TINAG: variants seen among roughly 807,000 people sequenced by gnomAD.
TINAG encodes tubulointerstitial nephritis antigen.
Under a neutral mutation model 72.7 loss-of-function variants are expected in TINAG, and 83 were observed. The observed-to-expected ratio is 1.14, with a 90% confidence interval of 0.96 to 1.37. The LOEUF is 1.37. TINAG is among the 40% of genes most tolerant of loss of function. The pLI is 0.00. For missense variants in TINAG, 685 were observed against 576.6 expected (o/e 1.19, Z -1.93); for synonymous variants, 234 against 189.9 (o/e 1.23, Z -1.91).
At chr6:54,343,091 A>T in intron 4 of TINAG, 135 bp from the exon 5 acceptor site, 1 of 711,732 alleles carries the variant, frequency 1.4e-6, no homozygotes, top group Non-Finnish European at 2.0e-6. Flanking sequence ...AATCCCACAT[A>T]GCTGTAGTTC....
At chr6:54,377,758 A>G (rs1763823925) in intron 9 of TINAG, among the ~76,000 whole-genome samples, 1 of 152,146 alleles carries the variant, frequency 6.6e-6, no homozygotes, top group African/African-American at 2.4e-5. Context: ...ACCTGTTGGT[A>G]TAATAGCAAG....
intron 4 of TINAG, among the ~76,000 whole-genome samples, chr6:54,328,241 G>A (rs1784654858): frequency 6.6e-6 from 1 of 152,060 alleles, no homozygotes; most frequent in South Asian, 2.1e-4. Flanking sequence ...TCCGGTGGGT[G>A]CTGCTCTGGG....
intron 10 of TINAG, 149 bp downstream of exon 10, chr6:54,380,720 AT>A: frequency 2.1e-6 from 1 of 486,484 alleles, no homozygotes; most frequent in Non-Finnish European, 3.6e-6. Flanking sequence ...CACAAAACTT[AT>A]TATAAACATT....
intron 5 of TINAG, among the ~76,000 whole-genome samples, chr6:54,344,924 T>C (rs1463031534): frequency 1.3e-5 from 2 of 152,106 alleles, no homozygotes; most frequent in Non-Finnish European, 2.9e-5. Context: ...CGTCGAGAAG[T>C]ATTAGTTACA....
intron 1 of TINAG, among the ~76,000 whole-genome samples, chr6:54,314,330 C>T (rs922030153): frequency 2.6e-5 from 4 of 152,116 alleles, no homozygotes; most frequent in African/African-American, 9.7e-5. Context: ...TTTGGCTCTT[C>T]ATGATCCAAA....
chr6:54,349,049 T>G (rs929703513), intron 6 of TINAG, among the ~76,000 whole-genome samples: 9 of 152,062 alleles, frequency 5.9e-5, no homozygotes, highest in African/African-American at 2.2e-4. Context: ...TAATTTCTAC[T>G]TTGCTATGTT....
chr6:54,373,896 G>A (rs1218713917), intron 9 of TINAG, among the ~76,000 whole-genome samples: 3 of 151,994 alleles, frequency 2.0e-5, no homozygotes, highest in Non-Finnish European at 1.5e-5. Flanking sequence ...TATTACCCTA[G>A]TCAATTGTCA....
chr6:54,308,685 T>G lies in TINAG; in HGVS notation c.135T>G (p.Thr45=), dbSNP rs1036894818. The change falls in exon 1 of 11, where the codon ACT becomes ACG. Residue 45 remains threonine, a synonymous_variant. Transcript: ENST00000259782. ...FTRNHTVLQG[T]RFKRAIFQGQ... The stretch of plus-strand genomic sequence containing the variant: ...GGAATCACACCGTTTTGCAAGGTAC[T>G]CGATTCAAAAGAGCCATTTTCCAAG... The G allele has an allele frequency of 1.2e-6, 2 of 1,613,724 alleles. No individual in the cohort carries two copies. The highest frequency in any genetic ancestry group is 1.7e-5 in the Admixed American group (1 of 59,912).
chr6:54,377,945 C>T (rs1230940625), intron 9 of TINAG, among the ~76,000 whole-genome samples: 4 of 151,938 alleles, frequency 2.6e-5, no homozygotes, highest in Admixed American at 1.3e-4. Flanking sequence ...ATAATATCAT[C>T]GGGGAAAGAA....
intron 2 of TINAG, 71 bp from the exon 3 acceptor site, chr6:54,321,226 T>G (rs2297986): frequency 8.9e-7 from 1 of 1,126,636 alleles, no homozygotes. Context: ...TAACAATGTA[T>G]AACTCTTTTT....
At chr6:54,321,423 G>A (rs375206679) in intron 3 of TINAG, 37 bp downstream of exon 3, 675 of 1,406,142 alleles carry the variant, frequency 4.8e-4, no homozygotes, top group Non-Finnish European at 6.3e-4. Flanking sequence ...TCTTGACACT[G>A]CCATTTACTA....
chr6:54,326,144 G>T (rs937034943), intron 3 of TINAG, among the ~76,000 whole-genome samples: 6 of 151,612 alleles, frequency 4.0e-5, no homozygotes, highest in African/African-American at 9.7e-5. Context: ...ATTTTGAAGA[G>T]AATTTTTTTT....
At chr6:54,381,603 A>T (rs1318304501) in intron 10 of TINAG, among the ~76,000 whole-genome samples, 1 of 152,044 alleles carries the variant, frequency 6.6e-6, no homozygotes, top group African/African-American at 2.4e-5. Flanking sequence ...AAGTAGAAGG[A>T]TTCTTCTTTA....
chr6:54,321,930 T>G (rs866517854), intron 3 of TINAG, among the ~76,000 whole-genome samples: 1 of 152,172 alleles, frequency 6.6e-6, no homozygotes, highest in African/African-American at 2.4e-5. Flanking sequence ...TGATTGACAC[T>G]GAAACATTGG....
chr6:54,386,006 CTCAGTCTCCCGAGTAGCTG>C (rs1398590065), intron 10 of TINAG, among the ~76,000 whole-genome samples: 1 of 149,998 alleles, frequency 6.7e-6, no homozygotes, highest in Non-Finnish European at 1.5e-5. Flanking sequence ...TTCTCCCTAC[CTCAGTCTCCCGAGTAGCTG>C]GGAATACAGA....
chr6:54,389,297 T>C (rs1288592981), intron 10 of TINAG, among the ~76,000 whole-genome samples: 3 of 152,206 alleles, frequency 2.0e-5, no homozygotes, highest in Admixed American at 1.3e-4. Flanking sequence ...AACAATGTCT[T>C]CGCTGAACCA....
intron 4 of TINAG, among the ~76,000 whole-genome samples, chr6:54,337,246 A>ATTTTTTTTTTTTT (rs34286210): frequency 1.1e-5 from 1 of 94,086 alleles, no homozygotes; most frequent in Non-Finnish European, 2.1e-5. Context: ...TGGGATTTGA[A>ATTTTTTTTTTTTT]TTTTTTTTTT....
chr6:54,331,424 C>A (rs2150945378), intron 4 of TINAG, among the ~76,000 whole-genome samples: 1 of 152,272 alleles, frequency 6.6e-6, no homozygotes, highest in African/African-American at 2.4e-5. Context: ...ATGCTAAAAA[C>A]ACTCAATAAA....
chr6:54,310,934 TTTC>T lies in TINAG; in HGVS notation c.355+2032_355+2034del, dbSNP rs540951339. On this transcript the variant is annotated intron_variant, in intron 1 of 10. Transcript: ENST00000259782. ...TTCTCTCTCCCACTTTCCCTCTTTC[TTTC>T]TTTTTTTCTCTCTCTTTCTCTTCTT... Among the ~76,000 whole-genome samples the T allele has an allele frequency of 7.6e-3, 1,154 of 151,296 alleles. 12 individuals are homozygous for T. Among genetic ancestry groups the T allele is most frequent in the Admixed American group, 0.013 (199 of 15,150 alleles).
Sources: allele counts gnomAD v4.1 joint callset (sites outside exome capture counted in the v4.1 genomes callset), GRCh38; gene constraint gnomAD v4.1.1; transcripts MANE v1.5; gene names NCBI Gene and HGNC (gene_info 2026-07-23, HGNC 2026-07-21).